The following PARD3 variants were observed in gnomAD, a reference collection of about 807,000 sequenced individuals.
PARD3 encodes the protein par-3 family cell polarity regulator.
PARD3 carries 75 observed loss-of-function variants against 155.4 expected under a neutral mutation model. The observed-to-expected ratio is 0.48, with a 90% CI of 0.40 to 0.58. The LOEUF is 0.58. Ranked by LOEUF, PARD3 falls within the 20% of genes least tolerant of loss-of-function variation. The pLI, the probability that PARD3 is intolerant of heterozygous loss-of-function variation, is 0.00. For synonymous variants in PARD3, 576 were observed against 610.5 expected (o/e 0.94, Z 0.83); for missense variants, 1,642 against 1,721.7 (o/e 0.95, Z 0.82).
intron 21 of PARD3, among the ~76,000 whole-genome samples, chr10:34,281,375 G>T (rs1039711910): frequency 6.6e-6 from 1 of 152,132 alleles, no homozygotes; most frequent in African/African-American, 2.4e-5. Flanking sequence ...GTCAAAAATA[G>T]CATGTCGGAA....
rs921728190 is a variant in PARD3 at position 34,423,578 on chromosome 10, ATT to A, written c.715-21663_715-21662del. Among the ~76,000 whole-genome samples, 25 of 152,184 alleles carry A rather than the reference ATT, an allele frequency of 1.6e-4. 1 individual carries two copies. Among genetic ancestry groups the A allele is most frequent in the Admixed American group, 1.6e-3 (24 of 15,278 alleles). On this transcript the variant is annotated intron_variant, in intron 5 of 24. Transcript: ENST00000374788. ...AAATCAAGTCGTGCACAATATATAC[ATT>A]TTTGTCAATTAAAACATTTTATAAA... is the stretch of plus-strand genomic sequence containing the variant.
chr10:34,677,541 A>G (rs1053362765), intron 2 of PARD3, among the ~76,000 whole-genome samples: 2 of 152,162 alleles, frequency 1.3e-5, no homozygotes, highest in African/African-American at 4.8e-5. Flanking sequence ...GAGGACCAAA[A>G]TAAGTGTAGA....
At chr10:34,321,207 C>A (rs549744815) in intron 19 of PARD3, among the ~76,000 whole-genome samples, 19 of 152,150 alleles carry the variant, frequency 1.2e-4, no homozygotes, top group Admixed American at 9.2e-4. Context: ...CATAAAATAT[C>A]TTTATTCCCT....
chr10:34,700,594 TA>T (rs199503115), intron 1 of PARD3, among the ~76,000 whole-genome samples: 2 of 150,060 alleles, frequency 1.3e-5, no homozygotes, highest in Admixed American at 6.6e-5. Context: ...TCTATGTTGA[TA>T]AAAAAAAAAT....
chr10:34,682,685 G>A lies in PARD3; in HGVS notation c.222+13633C>T, dbSNP rs529901797. Among the ~76,000 whole-genome samples the A allele has an allele frequency of 7.9e-5, 12 of 152,188 alleles. No individual in the cohort carries two copies. In the East Asian group the frequency reaches 1.7e-3, roughly 22 times the overall value. ...TGCACTGAGCTAGGATCACGTCACT[G>A]CACTCCAGCCTGGGTGACAGACCAA... On this transcript the variant is annotated intron_variant, in intron 2 of 24. Coordinates refer to ENST00000374788, the MANE Select transcript of PARD3 (RefSeq NM_001184785.2).
chr10:34,379,052 T>A (rs1227023051), intron 9 of PARD3, among the ~76,000 whole-genome samples: 6 of 152,144 alleles, frequency 3.9e-5, no homozygotes, highest in Non-Finnish European at 8.8e-5. Context: ...TAAGCTTTTT[T>A]AAAAAGTTAC....
At chr10:34,559,093 A>G (rs954975733) in intron 2 of PARD3, among the ~76,000 whole-genome samples, 15 of 151,292 alleles carry the variant, frequency 9.9e-5, no homozygotes, top group African/African-American at 3.7e-4. Flanking sequence ...TGGAGCCCCT[A>G]TGCCAAAGCA....
chr10:34,566,042 G>A (rs1048471783), intron 2 of PARD3, among the ~76,000 whole-genome samples: 1 of 152,186 alleles, frequency 6.6e-6, no homozygotes, highest in Admixed American at 6.5e-5. Flanking sequence ...GATAACACAG[G>A]AGGACGGCTG....
At chr10:34,623,626 C>T (rs2091818536) in intron 2 of PARD3, among the ~76,000 whole-genome samples, 1 of 152,034 alleles carries the variant, frequency 6.6e-6, no homozygotes, top group African/African-American at 2.4e-5. Flanking sequence ...AGTAACAAAC[C>T]AATCCACTCT....
intron 22 of PARD3, among the ~76,000 whole-genome samples, chr10:34,240,398 T>C (rs1953505068): frequency 6.6e-6 from 1 of 152,216 alleles, no homozygotes; most frequent in Non-Finnish European, 1.5e-5. Flanking sequence ...CTGGATGATC[T>C]TTTCCCTTTC....
chr10:34,642,942 C>T (rs985784334), intron 2 of PARD3, among the ~76,000 whole-genome samples: 2 of 152,170 alleles, frequency 1.3e-5, no homozygotes, highest in African/African-American at 4.8e-5. Context: ...GACTGGGAAA[C>T]CTTCATATGC....
At chr10:34,580,526 C>A (rs932213411) in intron 2 of PARD3, among the ~76,000 whole-genome samples, 3 of 152,074 alleles carry the variant, frequency 2.0e-5, no homozygotes, top group Admixed American at 2.0e-4. Context: ...AGAGCGAGAT[C>A]CTGTCATTCA....
At chr10:34,789,681 G>A (rs762577538) in intron 1 of PARD3, among the ~76,000 whole-genome samples, 10 of 151,976 alleles carry the variant, frequency 6.6e-5, no homozygotes. Context: ...TCTAACCTGG[G>A]CAACAGAGCA....
At chr10:34,161,050 TAGG>T (rs2133046050) in intron 22 of PARD3, among the ~76,000 whole-genome samples, 1 of 152,184 alleles carries the variant, frequency 6.6e-6, no homozygotes, top group South Asian at 2.1e-4. Context: ...GAGACCAGCC[TAGG>T]CAATATAGTG....
At chr10:34,727,065 C>T (rs1334377929) in intron 1 of PARD3, among the ~76,000 whole-genome samples, 1 of 152,220 alleles carries the variant, frequency 6.6e-6, no homozygotes, top group Non-Finnish European at 1.5e-5. Flanking sequence ...CTGCTCTTAC[C>T]ATTACACTAT....
intron 5 of PARD3, among the ~76,000 whole-genome samples, chr10:34,407,115 A>T (rs781612937): frequency 5.3e-5 from 8 of 152,350 alleles, no homozygotes; most frequent in Admixed American, 1.3e-4. Context: ...TTAGGGAGAA[A>T]GACGGGAACA....
chr10:34,508,884 T>G (rs2081241364), intron 3 of PARD3, among the ~76,000 whole-genome samples: 1 of 152,174 alleles, frequency 6.6e-6, no homozygotes, highest in African/African-American at 2.4e-5. Context: ...TATCTGTTAG[T>G]CTAGTGCTTC....
intron 1 of PARD3, among the ~76,000 whole-genome samples, chr10:34,786,805 C>T (rs1373135839): frequency 6.6e-6 from 1 of 152,180 alleles, no homozygotes; most frequent in Non-Finnish European, 1.5e-5. Flanking sequence ...TAGGATCCTA[C>T]ATATATTTCT....
At chr10:34,154,674 T>C (rs1022283666) in intron 22 of PARD3, among the ~76,000 whole-genome samples, 4 of 152,168 alleles carry the variant, frequency 2.6e-5, no homozygotes, top group African/African-American at 7.2e-5. Flanking sequence ...ATCTTTCACA[T>C]ACCACCTCTC....
Sources: allele counts gnomAD v4.1 joint callset (sites outside exome capture counted in the v4.1 genomes callset), GRCh38; gene constraint gnomAD v4.1.1; transcripts MANE v1.5; gene names NCBI Gene and HGNC (gene_info 2026-07-23, HGNC 2026-07-21).